The following SUPT3H variants were observed in gnomAD, a reference collection of about 807,000 sequenced individuals.
SUPT3H encodes the protein SPT3 homolog, SAGA and STAGA complex component, also known as transcription initiation protein SPT3 homolog.
In SUPT3H, 44 loss-of-function variants were observed where a neutral mutation model predicts 44.3. The observed-to-expected ratio is 0.99, with a 90% CI of 0.78 to 1.28. The LOEUF (loss-of-function observed/expected upper bound fraction) is 1.28, where lower values mean the gene tolerates loss of function less well. Among genes scored for constraint, SUPT3H ranks in the 50% most tolerant of loss-of-function variants. SUPT3H has a pLI of 0.00. For synonymous variants in SUPT3H, 124 were observed against 125.6 expected, an observed-to-expected ratio of 0.99 and a Z score of 0.09; for missense variants, 380 against 387.1, an observed-to-expected ratio of 0.98 and a Z score of 0.15.
chr6:45,173,956 C>T (rs998573796), intron 2 of SUPT3H, among the ~76,000 whole-genome samples: 6 of 152,148 alleles, frequency 3.9e-5, no homozygotes, highest in Non-Finnish European at 8.8e-5. Context: ...TACTTTTGTG[C>T]CCCTGCTGCC....
chr6:45,293,425 G>T (rs148165580), intron 2 of SUPT3H, among the ~76,000 whole-genome samples: 1 of 151,706 alleles, frequency 6.6e-6, no homozygotes, highest in East Asian at 1.9e-4. Flanking sequence ...ACACCTCAAG[G>T]AACCAGAGAA....
chr6:45,293,909 T>G (rs1016885053), intron 2 of SUPT3H, among the ~76,000 whole-genome samples: 2 of 122,664 alleles, frequency 1.6e-5, no homozygotes, highest in African/African-American at 7.1e-5. Flanking sequence ...TACCAGACAC[T>G]GAAAGAATTG....
At position 45,310,395 on chromosome 6, in the gene SUPT3H, C is replaced by T. The variant is rs1230995538; in HGVS notation, c.101+54806G>A. Among the ~76,000 whole-genome samples, 5 of 152,130 alleles carry T rather than the reference C, an allele frequency of 3.3e-5. No homozygotes were observed. In the East Asian group the frequency reaches 7.7e-4, roughly 24 times the overall value. On this transcript the variant is annotated intron_variant, in intron 2 of 10. Transcript: ENST00000371459. The stretch of plus-strand genomic sequence containing the variant: ...TACAATCCTGGGAGTTCTAGGGCCC[C>T]ACCCACTGCTGATCCCTCTCCACAC...
intron 5 of SUPT3H, among the ~76,000 whole-genome samples, chr6:45,008,504 G>A (rs943127363): frequency 9.9e-5 from 15 of 151,902 alleles, no homozygotes; most frequent in Non-Finnish European, 5.9e-5. Context: ...ACAGGCACAT[G>A]CCACTGAGAC....
intron 2 of SUPT3H, among the ~76,000 whole-genome samples, chr6:45,150,237 T>C (rs1052678496): frequency 2.0e-5 from 3 of 152,176 alleles, no homozygotes; most frequent in East Asian, 3.8e-4. Context: ...CAAAGTTTTA[T>C]TTGTTCCTTT....
At chr6:45,257,330 C>T (rs1457190468) in intron 2 of SUPT3H, among the ~76,000 whole-genome samples, 2 of 152,206 alleles carry the variant, frequency 1.3e-5, no homozygotes, top group Non-Finnish European at 2.9e-5. Context: ...GATTTTCACC[C>T]AGGCACCCTG....
At chr6:44,939,080 T>A (rs1160959299) in intron 9 of SUPT3H, among the ~76,000 whole-genome samples, 1 of 152,230 alleles carries the variant, frequency 6.6e-6, no homozygotes, top group Non-Finnish European at 1.5e-5. Context: ...GCTTTATTGT[T>A]CTGGTTAGGA....
At chr6:44,859,449 TTTTC>T (rs1169604013) in intron 10 of SUPT3H, among the ~76,000 whole-genome samples, 1 of 152,160 alleles carries the variant, frequency 6.6e-6, no homozygotes, top group African/African-American at 2.4e-5. Flanking sequence ...TCATAGCAAG[TTTTC>T]TTTTTCTCTC....
At chr6:45,346,449 A>G (rs770997154) in intron 2 of SUPT3H, among the ~76,000 whole-genome samples, 2 of 152,156 alleles carry the variant, frequency 1.3e-5, no homozygotes, top group Non-Finnish European at 2.9e-5. Flanking sequence ...ACAGTACACT[A>G]AACTACACAC....
chr6:44,891,002 G>T (rs920372752), intron 10 of SUPT3H, among the ~76,000 whole-genome samples: 1 of 151,860 alleles, frequency 6.6e-6, no homozygotes, highest in Admixed American at 6.6e-5. Flanking sequence ...TAGGGGAGGG[G>T]TAACATTAGG....
At chr6:45,196,625 C>A (rs1367595720) in intron 2 of SUPT3H, among the ~76,000 whole-genome samples, 14 of 151,956 alleles carry the variant, frequency 9.2e-5, no homozygotes. Flanking sequence ...ACACAAACAT[C>A]TTTCACCTTA....
intron 10 of SUPT3H, among the ~76,000 whole-genome samples, chr6:44,928,452 T>C (rs990682571): frequency 5.3e-5 from 8 of 151,986 alleles, no homozygotes; most frequent in African/African-American, 1.9e-4. Flanking sequence ...CAGGAGAAAG[T>C]GTTTGAAGCT....
intron 10 of SUPT3H, among the ~76,000 whole-genome samples, chr6:44,926,112 T>C (rs1387279372): frequency 6.6e-6 from 1 of 152,172 alleles, no homozygotes; most frequent in East Asian, 1.9e-4. Context: ...ATAAATAAAG[T>C]AATCCTAATA....
At chr6:44,887,206 C>A (rs1762457993) in intron 10 of SUPT3H, among the ~76,000 whole-genome samples, 1 of 152,132 alleles carries the variant, frequency 6.6e-6, no homozygotes. Context: ...TTAGACACAT[C>A]AACGAGACAG....
rs144355153 is a variant in SUPT3H at position 44,937,318 on chromosome 6, C to A, written c.802-4555G>T. Among the ~76,000 whole-genome samples the A allele has an allele frequency of 8.6e-3, 1,309 of 151,882 alleles. 23 individuals carry two copies. Among genetic ancestry groups the A allele is most frequent in the African/African-American group, 0.03 (1,232 of 41,414 alleles). On this transcript the variant is annotated intron_variant, in intron 9 of 10. Coordinates refer to ENST00000371459, the MANE Select transcript of SUPT3H (RefSeq NM_003599.4). ...ACCAGCCTGGCCAACATGGTGAAAC[C>A]CCGTCTCTACTAAAAATATAAAAAA... is the stretch of plus-strand genomic sequence containing the variant.
intron 2 of SUPT3H, among the ~76,000 whole-genome samples, chr6:45,237,371 A>G (rs56051040): frequency 0.042 from 6,409 of 152,292 alleles, 155 homozygotes; most frequent in Non-Finnish European, 0.056. Flanking sequence ...GAAGGACCCG[A>G]TGGACAACCT....
At chr6:45,157,925 AT>A (rs1234011242) in intron 2 of SUPT3H, among the ~76,000 whole-genome samples, 1 of 151,520 alleles carries the variant, frequency 6.6e-6, no homozygotes, top group Non-Finnish European at 1.5e-5. Flanking sequence ...CATGATCAGC[AT>A]TCTAAAAACT....
At chr6:45,213,005 T>C (rs765177958) in intron 2 of SUPT3H, among the ~76,000 whole-genome samples, 5 of 152,186 alleles carry the variant, frequency 3.3e-5, no homozygotes, top group Non-Finnish European at 5.9e-5. Flanking sequence ...ATTTTGAATG[T>C]AAACGCAAAA....
At chr6:45,307,766 G>T (rs1223985639) in intron 2 of SUPT3H, among the ~76,000 whole-genome samples, 1 of 152,238 alleles carries the variant, frequency 6.6e-6, no homozygotes, top group East Asian at 1.9e-4. Flanking sequence ...AAAGCTGGAT[G>T]GAGAATGACT....
Sources: gnomAD v4.1 joint callset for allele counts (sites outside exome capture counted in the v4.1 genomes callset) on GRCh38, gnomAD v4.1.1 for gene constraint, MANE v1.5 for transcripts, NCBI Gene and HGNC (gene_info 2026-07-23, HGNC 2026-07-21) for gene names.